PPP1R12B: variants seen among roughly 807,000 people sequenced by gnomAD.
The protein encoded by PPP1R12B is protein phosphatase 1 regulatory subunit 12B, also known as myosin phosphatase target subunit 2.
A neutral mutation model predicts 126.1 loss-of-function variants in PPP1R12B; 76 were observed. The observed-to-expected ratio is 0.60, with a 90% confidence interval of 0.50 to 0.73. PPP1R12B has a LOEUF of 0.73. Among genes scored for constraint, PPP1R12B ranks in the 30% least tolerant of loss-of-function variants. The probability of loss-of-function intolerance (pLI) is 0.00; values close to 1 mark genes in which losing one functional copy is unlikely to be tolerated. For missense variants in PPP1R12B, 1,052 were observed against 1,205.1 expected (o/e 0.87, Z 1.88); for synonymous variants, 356 against 434.7 (o/e 0.82, Z 2.25).
At chr1:202,362,470 A>G (rs1658381674) in intron 1 of PPP1R12B, among the ~76,000 whole-genome samples, 1 of 152,146 alleles carries the variant, frequency 6.6e-6, no homozygotes, top group Admixed American at 6.6e-5. Context: ...CAACTTCACA[A>G]TTGCCGTACA....
At chr1:202,380,557 T>A (rs527792262) in intron 1 of PPP1R12B, among the ~76,000 whole-genome samples, 117 of 152,304 alleles carry the variant, frequency 7.7e-4, no homozygotes, top group Non-Finnish European at 1.6e-3. Flanking sequence ...TATACCCACC[T>A]CTTCCCCTGA....
At chr1:202,388,312 T>TCTC (rs1571757788) in intron 1 of PPP1R12B, among the ~76,000 whole-genome samples, 1 of 152,160 alleles carries the variant, frequency 6.6e-6, no homozygotes, top group Non-Finnish European at 1.5e-5. Context: ...GCCTCCTGAG[T>TCTC]AGCTGGGACT....
Position 202,455,226 on chromosome 1 carries a change from C to G in PPP1R12B, c.1850+6055C>G, listed in dbSNP as rs1244059028. Among the ~76,000 whole-genome samples, 6 of 151,886 alleles carry G rather than the reference C, an allele frequency of 4.0e-5. No homozygotes were observed. In the East Asian group the frequency reaches 7.8e-4, roughly 20 times the overall value. ...TATATAGAGAGAGAGAGAGAGAATT[C>G]ACATACCATACAATTCACTCATTTA... On this transcript the variant is annotated intron_variant, in intron 13 of 23. Coordinates refer to ENST00000608999, the MANE Select transcript of PPP1R12B (RefSeq NM_002481.4).
At chr1:202,435,984 G>A (rs1015306848) in intron 9 of PPP1R12B, among the ~76,000 whole-genome samples, 1 of 152,144 alleles carries the variant, frequency 6.6e-6, no homozygotes, top group African/African-American at 2.4e-5. Flanking sequence ...ATTAGACAGG[G>A]TGCAGTGGCT....
At chr1:202,351,456 C>T (rs1233677838) in intron 1 of PPP1R12B, among the ~76,000 whole-genome samples, 1 of 152,176 alleles carries the variant, frequency 6.6e-6, no homozygotes, top group Admixed American at 6.5e-5. Flanking sequence ...CCAGGCTGGT[C>T]TCAAACTCTT....
chr1:202,437,884 T>C lies in PPP1R12B; in HGVS notation c.1318T>C (p.Leu440=), dbSNP rs912200508. The part of the protein sequence containing the change: ...PKDESPSSWR[L]GLRKTGSHNM... ...AGATGAATCTCCTTCTTCATGGAGA[T>C]TGGGACTGAGAAAAACTGGCAGCCA... Residue 440 remains leucine, a synonymous_variant, in exon 10 of 24, where the codon TTG becomes CTG. Transcript: ENST00000608999. 1.2e-6 allele frequency: 2 copies of C among 1,613,856 alleles called. No homozygotes were observed. Among genetic ancestry groups the C allele is most frequent in the African/African-American group, 1.3e-5 (1 of 74,900 alleles).
At chr1:202,443,228 T>A in intron 12 of PPP1R12B, 1 of 526,240 alleles carries the variant, frequency 1.9e-6, no homozygotes, top group Non-Finnish European at 2.4e-6. Flanking sequence ...CCAGAGCCAT[T>A]AAGCTACAAA....
chr1:202,475,492 G>A (rs1014014361), intron 13 of PPP1R12B, among the ~76,000 whole-genome samples: 1 of 152,164 alleles, frequency 6.6e-6, no homozygotes, highest in African/African-American at 2.4e-5. Context: ...TAGAAGAAAT[G>A]TCTTGCTACA....
chr1:202,444,524 C>T (rs1197816853), intron 12 of PPP1R12B, among the ~76,000 whole-genome samples: 4 of 151,994 alleles, frequency 2.6e-5, no homozygotes, highest in Admixed American at 2.0e-4. Flanking sequence ...TTTCACAGAG[C>T]TTCTTTACTC....
intron 1 of PPP1R12B, among the ~76,000 whole-genome samples, chr1:202,368,276 C>G (rs1008454539): frequency 8.6e-5 from 13 of 151,808 alleles, no homozygotes; most frequent in Middle Eastern, 3.4e-3. Flanking sequence ...CGGCCAAGAT[C>G]TGGTCATTTA....
chr1:202,451,787 G>A lies in PPP1R12B; in HGVS notation c.1850+2616G>A, dbSNP rs183471469. On this transcript the variant is annotated intron_variant, in intron 13 of 23. Transcript: ENST00000608999. ...CCCGACCTCCCGGACGGGGCGGCTG[G>A]CAGGGTGGGGGCTGACCCCCCACCT... Among the ~76,000 whole-genome samples the A allele has an allele frequency of 4.9e-3, 741 of 150,718 alleles. 11 individuals carry two copies. Among genetic ancestry groups the A allele is most frequent in the Non-Finnish European group, 7.1e-3 (479 of 67,688 alleles).
intron 1 of PPP1R12B, among the ~76,000 whole-genome samples, chr1:202,375,559 G>C (rs1327529551): frequency 6.6e-6 from 1 of 152,118 alleles, no homozygotes; most frequent in African/African-American, 2.4e-5. Context: ...CCTATACTGT[G>C]TTTTCCCTTT....
At chr1:202,457,510 G>A (rs1384404433) in intron 13 of PPP1R12B, among the ~76,000 whole-genome samples, 2 of 149,914 alleles carry the variant, frequency 1.3e-5, no homozygotes, top group East Asian at 2.0e-4. Context: ...CTGAGATTGC[G>A]CCATTGCTCT....
chr1:202,467,115 ATCTT>A (rs1234066019), intron 13 of PPP1R12B, among the ~76,000 whole-genome samples: 2 of 151,842 alleles, frequency 1.3e-5, no homozygotes, highest in Non-Finnish European at 2.9e-5. Context: ...AGCATTAGTG[ATCTT>A]TCTTATATGC....
Position 202,437,962 on chromosome 1 carries a change from T to G in PPP1R12B, c.1396T>G (p.Ser466Ala). 6.2e-7 allele frequency: 1 copy of G among 1,614,048 alleles called. No homozygotes were observed. The highest frequency in any genetic ancestry group is 8.5e-7 in the Non-Finnish European group (1 of 1,179,994). The change falls in exon 10 of 24, where the codon TCT (serine) becomes GCT (alanine). Residue 466 changes from serine (S) to alanine (A), a missense_variant. Coordinates refer to ENST00000608999, the MANE Select transcript of PPP1R12B (RefSeq NM_002481.4). Reference sequence around the variant, plus strand: ...CAGGGAACCTATAAGGGACCGAGGCTCTTCCATCTATCGCTCCTCTTCAAG... The same window carrying G: ...CAGGGAACCTATAAGGGACCGAGGCGCTTCCATCTATCGCTCCTCTTCAAG... ...NSREPIRDRG[S>A]SIYRSSSSPR...
Position 202,592,642 on chromosome 1 carries a change from G to A in PPP1R12B, c.*12082G>A, listed in dbSNP as rs1450901275. ...GGATGGGGGCAGATGAGGCTCAAAT[G>A]GCTTCAGAAGGTTCTTATTTTGTTG... On this transcript the variant is annotated 3_prime_UTR_variant, in exon 24 of 24. Coordinates refer to ENST00000608999, the MANE Select transcript of PPP1R12B (RefSeq NM_002481.4). The A allele has an allele frequency of 1.3e-5, 2 of 152,136 alleles. No individual in the cohort carries two copies. The highest frequency in any genetic ancestry group is 2.9e-5 in the Non-Finnish European group (2 of 68,034). The allele number at this position is 152,136 out of a possible 1,614,324, so 9.4% of individuals were successfully genotyped here. A position where few individuals can be genotyped will look rare whatever the true frequency, so the allele number is the denominator to read the frequency against.
intron 9 of PPP1R12B, among the ~76,000 whole-genome samples, chr1:202,435,728 G>T (rs1033995927): frequency 1.3e-5 from 2 of 152,140 alleles, no homozygotes; most frequent in African/African-American, 4.8e-5. Context: ...GGTTATATAG[G>T]TATGAACTTA....
chr1:202,439,825 C>T, intron 10 of PPP1R12B: 1 of 386,288 alleles, frequency 2.6e-6, no homozygotes, highest in Admixed American at 3.7e-5. Context: ...GGCTAGGTCT[C>T]CACTGGGGCC....
chr1:202,371,386 T>C (rs1445011429), intron 1 of PPP1R12B, among the ~76,000 whole-genome samples: 1 of 152,088 alleles, frequency 6.6e-6, no homozygotes, highest in Non-Finnish European at 1.5e-5. Flanking sequence ...TATTAGCCAT[T>C]GTTTGTATAG....
Sources: gnomAD v4.1 joint callset for allele counts (sites outside exome capture counted in the v4.1 genomes callset) on GRCh38, gnomAD v4.1.1 for gene constraint, MANE v1.5 for transcripts, NCBI Gene and HGNC (gene_info 2026-07-23, HGNC 2026-07-21) for gene names.